The following CYSLTR1 variants were observed in gnomAD, a reference collection of about 807,000 sequenced individuals.
CYSLTR1 encodes cysteinyl leukotriene receptor 1.
In CYSLTR1, 1 loss-of-function variant was observed where a neutral mutation model predicts 2.1. That is an observed-to-expected ratio of 0.48 (90% CI 0.17 to 2.28). The LOEUF is 2.28. Ranked by LOEUF, CYSLTR1 falls within the 30% of genes most tolerant of loss-of-function variation. The pLI, the probability that CYSLTR1 is intolerant of heterozygous loss-of-function variation, is 0.26. For missense variants in CYSLTR1, 299 were observed against 250.1 expected (o/e 1.20, Z -1.32); for synonymous variants, 110 against 89.6 (o/e 1.23, Z -1.28).
At chrX:78,289,304 T>C (rs1270026237) in intron 1 of CYSLTR1, among the ~76,000 whole-genome samples, 1 of 112,088 alleles carries the variant, frequency 8.9e-6, no homozygotes, top group Non-Finnish European at 1.9e-5. Context: ...CATCCTTTTT[T>C]ATGACTGCAT....
chrX:78,303,164 C>T (rs777118547), intron 1 of CYSLTR1, among the ~76,000 whole-genome samples: 1 of 111,825 alleles, frequency 8.9e-6, no homozygotes, highest in East Asian at 2.8e-4. Flanking sequence ...GGGTGGCCAT[C>T]AGCTGAGTTT....
chrX:78,274,567 T>C (rs1322680848), intron 2 of CYSLTR1, among the ~76,000 whole-genome samples: 12 of 111,441 alleles, frequency 1.1e-4, no homozygotes, highest in African/African-American at 3.6e-4. Flanking sequence ...ACACCTTATA[T>C]AAAAAGTAAT....
chrX:78,327,277 C>T (rs1171304839), intron 1 of CYSLTR1, 28 bp downstream of exon 1: 1 of 112,158 alleles, frequency 8.9e-6, no homozygotes, highest in Non-Finnish European at 1.9e-5. Context: ...CTGTTCTGGT[C>T]TTAGTACTGA....
At chrX:78,281,521 C>G (rs901381582) in intron 2 of CYSLTR1, among the ~76,000 whole-genome samples, 1 of 111,045 alleles carries the variant, frequency 9.0e-6, no homozygotes, top group Non-Finnish European at 1.9e-5. Flanking sequence ...TATCTGCCTG[C>G]CTTGGCCTCC....
At chrX:78,314,456 A>G (rs1372080792) in intron 1 of CYSLTR1, among the ~76,000 whole-genome samples, 1 of 111,613 alleles carries the variant, frequency 9.0e-6, no homozygotes, top group Non-Finnish European at 1.9e-5. Flanking sequence ...CACAAGAACC[A>G]AAAATTAGGT....
At chrX:78,306,175 T>C (rs1422823571) in intron 1 of CYSLTR1, among the ~76,000 whole-genome samples, 1 of 111,667 alleles carries the variant, frequency 9.0e-6, no homozygotes, top group Non-Finnish European at 1.9e-5. Flanking sequence ...GGTTTTTCTT[T>C]TTTTTTGAGA....
intron 1 of CYSLTR1, among the ~76,000 whole-genome samples, chrX:78,316,265 G>A (rs1313903539): frequency 8.9e-6 from 1 of 112,120 alleles, no homozygotes; most frequent in Admixed American, 9.4e-5. Context: ...CGCACCCAGT[G>A]GAATTAGGGA....
At chrX:78,292,132 T>C (rs747182615) in intron 1 of CYSLTR1, among the ~76,000 whole-genome samples, 2 of 112,249 alleles carry the variant, frequency 1.8e-5, no homozygotes, top group East Asian at 5.6e-4. Flanking sequence ...CTCTACAAAC[T>C]GCTTTAAATG....
chrX:78,315,651 C>T (rs766208999), intron 1 of CYSLTR1, among the ~76,000 whole-genome samples: 3 of 111,134 alleles, frequency 2.7e-5, no homozygotes, highest in Non-Finnish European at 5.7e-5. Flanking sequence ...GTTATGGTGG[C>T]CATGAGATGA....
chrX:78,277,982 G>T (rs768884212), intron 2 of CYSLTR1, among the ~76,000 whole-genome samples: 42 of 111,836 alleles, frequency 3.8e-4, no homozygotes, highest in Non-Finnish European at 6.9e-4. Flanking sequence ...AAAGCTCATT[G>T]AAATTCAGGA....
At chrX:78,313,784 T>C (rs1298857906) in intron 1 of CYSLTR1, among the ~76,000 whole-genome samples, 1 of 111,337 alleles carries the variant, frequency 9.0e-6, no homozygotes, top group Non-Finnish European at 1.9e-5. Flanking sequence ...GTAAGAAAAA[T>C]TGAAGTCAGT....
In CYSLTR1 at chrX:78,273,429, G is replaced by A. The variant is rs200714954; in HGVS notation, c.318C>T (p.Asn106=). The change falls in exon 3 of 3, where the codon AAC becomes AAT. Residue 106 remains asparagine (N), a synonymous_variant. Coordinates refer to ENST00000373304, the MANE Select transcript of CYSLTR1 (RefSeq NM_006639.4). ...TCATAAAGAAGATGCTACAATAGAGGTTGACATACAAAGCATAGGTGCTGA... is the reference window on the plus strand; with the variant it reads ...TCATAAAGAAGATGCTACAATAGAGATTGACATACAAAGCATAGGTGCTGA... ...CRLSTYALYV[N]LYCSIFFMTA... is the part of the protein sequence containing the mutation. The A allele has an allele frequency of 1.8e-5, 22 of 1,211,438 alleles. No homozygotes were observed. Among genetic ancestry groups the A allele is most frequent in the Non-Finnish European group, 2.5e-5 (22 of 895,319 alleles).
chrX:78,319,582 C>G (rs1029382898), intron 1 of CYSLTR1: 4 of 110,674 alleles, frequency 3.6e-5, no homozygotes, highest in African/African-American at 1.3e-4. Context: ...CATATGTGTG[C>G]ATGTGTCTTT....
intron 1 of CYSLTR1, among the ~76,000 whole-genome samples, chrX:78,305,894 T>C (rs1310005239): frequency 8.9e-6 from 1 of 112,864 alleles, no homozygotes; most frequent in African/African-American, 3.2e-5. Context: ...CAATGGGCAT[T>C]TGGCAGAACT....
rs1256897537 is a variant in CYSLTR1 at position 78,320,718 on chromosome X, C to T, written c.-115+6587G>A. ...ACCTTGGGCAGTATGGCCATTTTCA[C>T]GATCTTGATTCTTCCTACCCATGAG... is the stretch of plus-strand genomic sequence containing the variant. On this transcript the variant is annotated intron_variant, in intron 1 of 2. Coordinates refer to ENST00000373304, the MANE Select transcript of CYSLTR1 (RefSeq NM_006639.4). 3.6e-5 allele frequency: 4 copies of T among 111,655 alleles called. No homozygotes were observed. In the East Asian group the frequency reaches 8.4e-4, roughly 24 times the overall value. 9.2% of individuals were successfully genotyped at this position (111,655 alleles called of 1,213,427 possible). A position where few individuals can be genotyped will look rare whatever the true frequency, so the allele number is the denominator to read the frequency against.
intron 1 of CYSLTR1, among the ~76,000 whole-genome samples, chrX:78,310,330 T>G (rs1272560768): frequency 8.9e-6 from 1 of 112,172 alleles, no homozygotes; most frequent in Non-Finnish European, 1.9e-5. Context: ...ATTTTAGGGA[T>G]GGCAAAATGC....
chrX:78,322,530 C>G (rs866058099), intron 1 of CYSLTR1, among the ~76,000 whole-genome samples: 1 of 111,630 alleles, frequency 9.0e-6, no homozygotes, highest in African/African-American at 3.3e-5. Context: ...GCTACTCATC[C>G]TCTATGGAGA....
At chrX:78,275,032 C>G (rs1486756359) in intron 2 of CYSLTR1, among the ~76,000 whole-genome samples, 31 of 111,047 alleles carry the variant, frequency 2.8e-4, no homozygotes, top group Non-Finnish European at 4.0e-4. Context: ...CAATGAGATA[C>G]CATCTCACAC....
chrX:78,277,152 C>T (rs1921626594), intron 2 of CYSLTR1, among the ~76,000 whole-genome samples: 2 of 111,137 alleles, frequency 1.8e-5, no homozygotes. Flanking sequence ...CCAAGGATCG[C>T]CATACTCCTC....
Sources: gnomAD v4.1 joint callset for allele counts (sites outside exome capture counted in the v4.1 genomes callset) on GRCh38, gnomAD v4.1.1 for gene constraint, MANE v1.5 for transcripts, NCBI Gene and HGNC (gene_info 2026-07-23, HGNC 2026-07-21) for gene names.